The following EPM2A variants were observed in gnomAD, a reference collection of about 807,000 sequenced individuals.
EPM2A encodes laforin.
Under a neutral mutation model 26.5 loss-of-function variants are expected in EPM2A, and 21 were observed. The observed-to-expected ratio is 0.79, with a 90% CI of 0.56 to 1.14. The LOEUF (loss-of-function observed/expected upper bound fraction) is 1.14, where lower values mean the gene tolerates loss of function less well. Ranked by LOEUF, EPM2A falls within the 50% of genes most tolerant of loss-of-function variation. EPM2A has a pLI of 0.00. For synonymous variants in EPM2A, 217 were observed against 177.6 expected (o/e 1.22, Z -1.76); for missense variants, 458 against 440.8 (o/e 1.04, Z -0.35).
intron 4 of EPM2A, among the ~76,000 whole-genome samples, chr6:145,439,916 T>C (rs139140159): frequency 1.7e-3 from 260 of 152,326 alleles, no homozygotes; most frequent in African/African-American, 5.6e-3. Flanking sequence ...AAATTGTATG[T>C]CCTACGTTAT....
chr6:145,623,074 T>C (rs1035731067), downstream of EPM2A, among the ~76,000 whole-genome samples: 9 of 152,212 alleles, frequency 5.9e-5, no homozygotes, highest in African/African-American at 2.2e-4. Flanking sequence ...CCTATAACAT[T>C]GTATGCTCTC....
rs1319839881 is a variant in EPM2A at position 145,735,212 on chromosome 6, TCTC to T, written c.284_286del (p.Gly95del). ...GCTGGCAATACCTTCCCAGGAGAGC[TCTC>T]CTCCCGGCTCCCGCTTCAGGAACTT... On this transcript the variant is annotated inframe_deletion, in exon 1 of 4. Transcript: ENST00000367519. The T allele has an allele frequency of 6.5e-7, 1 of 1,527,386 alleles. No homozygotes were observed. The highest frequency in any genetic ancestry group is 1.2e-5 in the South Asian group (1 of 82,444). The allele number at this position is 1,527,386 out of a possible 1,614,324, so 94.6% of individuals were successfully genotyped here.
chr6:145,597,146 G>A (rs1401597718), intron 2 of EPM2A, among the ~76,000 whole-genome samples: 4 of 151,120 alleles, frequency 2.6e-5, no homozygotes, highest in East Asian at 2.0e-4. Flanking sequence ...CACCCGCCTC[G>A]GCCTCCCAAA....
At chr6:145,677,866 T>C (rs751426812) in intron 2 of EPM2A, among the ~76,000 whole-genome samples, 26 of 152,248 alleles carry the variant, frequency 1.7e-4, no homozygotes, top group Admixed American at 3.9e-4. Context: ...AGGTAATTTA[T>C]AGATTAAATG....
intron 4 of EPM2A, among the ~76,000 whole-genome samples, chr6:145,479,319 A>G (rs577001243): frequency 1.4e-4 from 21 of 147,198 alleles, no homozygotes; most frequent in Non-Finnish European, 2.5e-4. Flanking sequence ...ATATATGTGT[A>G]TATATATATA....
chr6:145,636,369 C>T (rs1776684742), intron 2 of EPM2A: 1 of 152,272 alleles, frequency 6.6e-6, no homozygotes, highest in Admixed American at 6.5e-5. Context: ...CCTGTAATCC[C>T]AGCTACCGGG....
intron 2 of EPM2A, among the ~76,000 whole-genome samples, chr6:145,666,732 T>C (rs78615157): frequency 1.5e-4 from 22 of 143,628 alleles, no homozygotes; most frequent in Middle Eastern, 3.6e-3. Context: ...AAGAACAAAG[T>C]TGGAGGCATC....
chr6:145,410,565 A>G (rs1185596134), intron 4 of EPM2A, among the ~76,000 whole-genome samples: 4 of 152,244 alleles, frequency 2.6e-5, no homozygotes, highest in Admixed American at 1.3e-4. Context: ...TCAATGATAA[A>G]GAAATAGGTA....
In EPM2A at chr6:145,625,939, A is replaced by T. The variant is rs1251743859; in HGVS notation, c.*1477T>A. On this transcript the variant is annotated 3_prime_UTR_variant, in exon 4 of 4. Coordinates refer to ENST00000367519, the MANE Select transcript of EPM2A (RefSeq NM_005670.4). ...ATTAGGAAAGTAAGGGCTTTGAATC[A>T]AACCCAGCTTTGTATCTCACTTCAT... The T allele has an allele frequency of 8.9e-6, 12 of 1,345,634 alleles. No homozygotes were observed. The East Asian group carries it at 3.1e-4, about 35-fold the overall frequency. The allele number at this position is 1,345,634 out of a possible 1,614,324, so 83.4% of individuals were successfully genotyped here. A position where few individuals can be genotyped will look rare whatever the true frequency, so the allele number is the denominator to read the frequency against.
intron 4 of EPM2A, among the ~76,000 whole-genome samples, chr6:145,401,932 G>A (rs1489307590): frequency 6.6e-6 from 1 of 151,876 alleles, no homozygotes; most frequent in Non-Finnish European, 1.5e-5. Context: ...GAGAGAGAAG[G>A]AAACACTCTT....
At chr6:145,449,167 G>A (rs1779166165) in intron 4 of EPM2A, among the ~76,000 whole-genome samples, 1 of 152,192 alleles carries the variant, frequency 6.6e-6, no homozygotes, top group Non-Finnish European at 1.5e-5. Context: ...GTATTATGCT[G>A]TTGACATATT....
intron 1 of EPM2A, among the ~76,000 whole-genome samples, chr6:145,695,900 C>A (rs1562497660): frequency 6.6e-6 from 1 of 152,010 alleles, no homozygotes; most frequent in Non-Finnish European, 1.5e-5. Flanking sequence ...GACAGAAAAT[C>A]AATAAGGAAA....
intron 4 of EPM2A, among the ~76,000 whole-genome samples, chr6:145,467,136 A>G (rs1474400375): frequency 6.6e-6 from 1 of 152,078 alleles, no homozygotes; most frequent in Admixed American, 6.6e-5. Context: ...TAAAACTTAA[A>G]GTATAATAAT....
intron 4 of EPM2A, among the ~76,000 whole-genome samples, chr6:145,393,747 C>T (rs1432159560): frequency 6.6e-6 from 1 of 152,070 alleles, no homozygotes; most frequent in Non-Finnish European, 1.5e-5. Flanking sequence ...CTAGGTTCCC[C>T]ATAAGAGCAT....
intron 1 of EPM2A, among the ~76,000 whole-genome samples, chr6:145,710,070 G>C (rs574561874): frequency 7.9e-5 from 12 of 152,238 alleles, no homozygotes; most frequent in East Asian, 1.9e-4. Context: ...AGGACTTCAT[G>C]TCTAAAACAC....
At chr6:145,468,315 T>C (rs1290456266) in intron 4 of EPM2A, among the ~76,000 whole-genome samples, 1 of 152,132 alleles carries the variant, frequency 6.6e-6, no homozygotes, top group East Asian at 1.9e-4. Context: ...ATCACTTTAA[T>C]CGCCGTACAT....
chr6:145,430,708 T>C (rs538358416), intron 4 of EPM2A, among the ~76,000 whole-genome samples: 2 of 152,276 alleles, frequency 1.3e-5, no homozygotes, highest in African/African-American at 4.8e-5. Context: ...ATTCCATCTG[T>C]CTGATATCTG....
chr6:145,658,903 T>C (rs1778485273), intron 2 of EPM2A, among the ~76,000 whole-genome samples: 1 of 152,170 alleles, frequency 6.6e-6, no homozygotes, highest in South Asian at 2.1e-4. Context: ...TCCTTAGGCT[T>C]AGATACTTTT....
At chr6:145,447,468 C>T (rs1223719284) in intron 4 of EPM2A, among the ~76,000 whole-genome samples, 1 of 152,020 alleles carries the variant, frequency 6.6e-6, no homozygotes, top group African/African-American at 2.4e-5. Flanking sequence ...CTAATTGGTG[C>T]CTTACCTCTA....
Sources: gnomAD v4.1 joint callset for allele counts (sites outside exome capture counted in the v4.1 genomes callset) on GRCh38, gnomAD v4.1.1 for gene constraint, MANE v1.5 for transcripts, NCBI Gene and HGNC (gene_info 2026-07-23, HGNC 2026-07-21) for gene names.